ZNF461: variants seen among roughly 807,000 people sequenced by gnomAD.
ZNF461 encodes the protein zinc finger protein 461.
A neutral mutation model predicts 18.3 loss-of-function variants in ZNF461; 16 were observed. That is an observed-to-expected ratio of 0.88 (90% CI 0.59 to 1.33). The LOEUF is 1.33. Ranked by LOEUF, ZNF461 falls within the 40% of genes most tolerant of loss-of-function variation. The probability of loss-of-function intolerance (pLI) is 0.00; values close to 1 mark genes in which losing one functional copy is unlikely to be tolerated. For synonymous variants in ZNF461, 179 were observed against 216.9 expected (o/e 0.83, Z 1.54); for missense variants, 595 against 669.9 (o/e 0.89, Z 1.23).
At position 36,638,822 on chromosome 19, in the gene ZNF461, T is replaced by C. The variant is rs529052116; in HGVS notation, c.1523A>G (p.Tyr508Cys). 2 of 1,614,166 alleles carry C rather than the reference T, an allele frequency of 1.2e-6. No homozygotes were observed. The highest frequency in any genetic ancestry group is 2.2e-5 in the East Asian group (1 of 44,862). Residue 508 changes from tyrosine (Y) to cysteine (C), a missense_variant, in exon 6 of 6, where the codon TAT becomes TGT. Tyr to Cys is a radical substitution (Grantham distance 194). Coordinates refer to ENST00000588268, the MANE Select transcript of ZNF461 (RefSeq NM_153257.5). The part of the protein sequence containing the change: ...ECKECGKAFS[Y>C]HSSFSHHQRI... ...CTGATGGTGTGAGAAGCTTGAATGA[T>C]AGCTAAAGGCCTTCCCACATTCCTT...
At chr19:36,662,881 T>A (rs188989091) in intron 2 of ZNF461, among the ~76,000 whole-genome samples, 88 of 152,244 alleles carry the variant, frequency 5.8e-4, no homozygotes, top group Non-Finnish European at 1.1e-3. Flanking sequence ...AAATTTAATA[T>A]ATATATCAAT....
At chr19:36,644,919 TTTATTA>T (rs993452426) in intron 4 of ZNF461, among the ~76,000 whole-genome samples, 40 of 152,060 alleles carry the variant, frequency 2.6e-4, no homozygotes, top group African/African-American at 9.4e-4. Flanking sequence ...TGAGACTACT[TTTATTA>T]TTAAAAAATC....
intron 5 of ZNF461, among the ~76,000 whole-genome samples, chr19:36,641,566 T>A (rs1010484765): frequency 6.7e-6 from 1 of 149,562 alleles, no homozygotes; most frequent in African/African-American, 2.4e-5. Flanking sequence ...TATATATATA[T>A]GTTTTTTTAC....
chr19:36,638,965 CTGA>C lies in ZNF461; in HGVS notation c.1377_1379del (p.His459del). 1 of 1,614,060 alleles carries C rather than the reference CTGA, an allele frequency of 6.2e-7. No individual in the cohort carries two copies. The highest frequency in any genetic ancestry group is 8.5e-7 in the Non-Finnish European group (1 of 1,180,016). ...GAGGTTTCTCACCAGTATGAATTCT[CTGA>C]TGTCTTTTGAGGTGTGAACACTGTC... On this transcript the variant is annotated inframe_deletion, in exon 6 of 6. Transcript: ENST00000588268.
In ZNF461 at chr19:36,639,444, A is replaced by G. The variant is rs779285916; in HGVS notation, c.901T>C (p.Tyr301His). 9.9e-6 allele frequency: 16 copies of G among 1,613,882 alleles called. No individual in the cohort carries two copies. The South Asian group carries it at 1.5e-4, about 16-fold the overall frequency. ...HQRIHTGEKPYECKECGKAFR... is the reference protein window; with the variant it reads ...HQRIHTGEKPHECKECGKAFR... ...GCCTTCCCACATTCTTTACATTCAT[A>G]AGGTTTCTCACCAGTGTGAATTCTT... Residue 301 changes from tyrosine to histidine, a missense_variant, in exon 6 of 6, where the codon TAT (tyrosine) becomes CAT (histidine). Coordinates refer to ENST00000588268, the MANE Select transcript of ZNF461 (RefSeq NM_153257.5).
At chr19:36,642,367 G>A (rs2037441145) in intron 5 of ZNF461, among the ~76,000 whole-genome samples, 1 of 152,070 alleles carries the variant, frequency 6.6e-6, no homozygotes, top group Non-Finnish European at 1.5e-5. Context: ...CCACATGTCG[G>A]GTACCAGGCC....
rs185475698 is a variant in ZNF461, at chr19:36,662,712, C to A, written c.9+1986G>T. Among the ~76,000 whole-genome samples the A allele has an allele frequency of 2.1e-3, 327 of 152,186 alleles. 3 individuals are homozygous for A. In the South Asian group the frequency reaches 0.024, roughly 11 times the overall value. On this transcript the variant is annotated intron_variant, in intron 2 of 5. Coordinates refer to ENST00000588268, the MANE Select transcript of ZNF461 (RefSeq NM_153257.5). ...ACTTTTGATAAAATTAGCTTTATTT[C>A]TCTGATTTTATTATTAAATTCTAGT...
intron 4 of ZNF461, among the ~76,000 whole-genome samples, chr19:36,654,554 T>A (rs1349159960): frequency 6.6e-6 from 1 of 151,894 alleles, no homozygotes; most frequent in Non-Finnish European, 1.5e-5. Context: ...TTCTTTTTGG[T>A]ACAGACAGGG....
intron 4 of ZNF461, among the ~76,000 whole-genome samples, chr19:36,655,996 CTTT>C (rs781044041): frequency 7.7e-6 from 1 of 130,482 alleles, no homozygotes; most frequent in Non-Finnish European, 1.6e-5. Flanking sequence ...TTTAGAATAT[CTTT>C]TTTTTTTTTT....
Position 36,639,818 on chromosome 19 carries a change from C to A in ZNF461, c.527G>T (p.Ser176Ile). ...MINHENMPIF[S>I]QHTLLTQEFY... ...TTCTTGAGTGAGTAAAGTATGTTGG[C>A]TAAAAATGGGCATGTTTTCATGGTT... Residue 176 changes from serine to isoleucine, a missense_variant, in exon 6 of 6, where the codon AGC becomes ATC. Transcript: ENST00000588268. 1 of 1,613,820 alleles carries A rather than the reference C, an allele frequency of 6.2e-7. No homozygotes were observed. Among genetic ancestry groups the A allele is most frequent in the South Asian group, 1.1e-5 (1 of 91,074 alleles).
At position 36,639,299 on chromosome 19, in the gene ZNF461, C is replaced by T. The variant is rs373768137; in HGVS notation, c.1046G>A (p.Arg349Gln). The T allele has an allele frequency of 5.9e-5, 95 of 1,613,862 alleles. No homozygotes were observed. Among genetic ancestry groups the T allele is most frequent in the East Asian group, 2.0e-4 (9 of 44,864 alleles). ...ATAAGGTTTCTCTCCAGTATGGAGT[C>T]GCAGGTGTTCAGTAAGTTGAAAGCC... is the stretch of plus-strand genomic sequence containing the variant. ...IRGFQLTEHL[R>Q]LHTGEKPYEC... The change falls in exon 6 of 6, where the codon CGA becomes CAA. Residue 349 changes from arginine (R) to glutamine (Q), a missense_variant. Arg to Gln is a conservative substitution (Grantham distance 43). Coordinates refer to ENST00000588268, the MANE Select transcript of ZNF461 (RefSeq NM_153257.5).
At chr19:36,659,842 A>C (rs1005478199) in intron 2 of ZNF461, among the ~76,000 whole-genome samples, 1 of 152,156 alleles carries the variant, frequency 6.6e-6, no homozygotes, top group African/African-American at 2.4e-5. Flanking sequence ...ATTGGTGATC[A>C]TATATTTTCT....
At chr19:36,664,637 A>C in intron 2 of ZNF461, 61 bp downstream of exon 2, 5 of 1,428,024 alleles carry the variant, frequency 3.5e-6, no homozygotes, top group Non-Finnish European at 4.7e-6. Context: ...TACAAAAAAA[A>C]CAAAAACAAA....
chr19:36,643,652 C>A, intron 5 of ZNF461, 142 bp downstream of exon 5: 1 of 700,142 alleles, frequency 1.4e-6, no homozygotes, highest in Non-Finnish European at 2.0e-6. Flanking sequence ...TGAAATCTAA[C>A]AGAATGCGTG....
rs2037303206 is a variant in ZNF461 at position 36,636,930 on chromosome 19, A to AGT, written c.*1721_*1722dup. Among the ~76,000 whole-genome samples the AGT allele has an allele frequency of 6.6e-6, 1 of 152,152 alleles. No individual in the cohort carries two copies. The highest frequency in any genetic ancestry group is 2.4e-5 in the African/African-American group (1 of 41,444). On this transcript the variant is annotated 3_prime_UTR_variant, in exon 6 of 6. Transcript: ENST00000588268. The stretch of plus-strand genomic sequence containing the variant: ...AAGGAGTGTCTTTCTCCTTGAGCAC[A>AGT]GTGTTTATAGATAAGAGAGCAGGTC...
chr19:36,646,453 T>C (rs1273601737), intron 4 of ZNF461, among the ~76,000 whole-genome samples: 1 of 152,098 alleles, frequency 6.6e-6, no homozygotes, highest in Non-Finnish European at 1.5e-5. Flanking sequence ...TTAGGAAAGT[T>C]TGTGTCAGCC....
At chr19:36,640,128 C>A in intron 5 of ZNF461, 85 bp from the exon 6 acceptor site, 1 of 1,141,834 alleles carries the variant, frequency 8.8e-7, no homozygotes, top group Non-Finnish European at 1.2e-6. Flanking sequence ...GAGATAACTG[C>A]AAATAATTCA....
intron 2 of ZNF461, among the ~76,000 whole-genome samples, chr19:36,660,209 G>C (rs1261185173): frequency 1.3e-5 from 2 of 148,486 alleles, no homozygotes; most frequent in African/African-American, 5.0e-5. Context: ...GAGTGCAGTG[G>C]CATGATCTCA....
At chr19:36,651,193 T>C (rs1422110700) in intron 4 of ZNF461, among the ~76,000 whole-genome samples, 1 of 137,478 alleles carries the variant, frequency 7.3e-6, no homozygotes, top group Admixed American at 8.2e-5. Context: ...ATTGCGTCAC[T>C]GGACTCCAGC....
Sources: gnomAD v4.1 joint callset for allele counts (sites outside exome capture counted in the v4.1 genomes callset) on GRCh38, gnomAD v4.1.1 for gene constraint, MANE v1.5 for transcripts, NCBI Gene and HGNC (gene_info 2026-07-23, HGNC 2026-07-21) for gene names.